The following XNDC1N variants were observed in gnomAD, a reference collection of about 807,000 sequenced individuals.
XNDC1N encodes the protein XRCC1 N-terminal domain containing 1, N-terminal like.
chr11:71,919,811 G>T, the XNDC1N span, among the ~76,000 whole-genome samples: 1 of 149,924 alleles, frequency 6.7e-6, no homozygotes. Context: ...TAGAGACGGG[G>T]TTTCACCGTG....
the XNDC1N span, chr11:71,915,962 TGTGTGTGTGTAC>T: frequency 1.6e-6 from 1 of 617,984 alleles, no homozygotes; most frequent in Non-Finnish European, 2.9e-6. Flanking sequence ...TATTTGTGTG[TGTGTGTGTGTAC>T]GTGTGTGTGT....
chr11:71,891,024 C>G, the XNDC1N span, among the ~76,000 whole-genome samples: 1 of 151,928 alleles, frequency 6.6e-6, no homozygotes, highest in African/African-American at 2.4e-5. Context: ...TTCCTCTCTT[C>G]CCCTGGACAT....
the XNDC1N span, among the ~76,000 whole-genome samples, chr11:71,889,659 G>A: frequency 6.6e-6 from 1 of 152,160 alleles, no homozygotes; most frequent in Non-Finnish European, 1.5e-5. Context: ...TCTCGCCTTT[G>A]TCTGCCCTGG....
At chr11:71,920,651 G>T in the XNDC1N span, among the ~76,000 whole-genome samples, 2 of 152,140 alleles carry the variant, frequency 1.3e-5, no homozygotes, top group Non-Finnish European at 2.9e-5. Flanking sequence ...TATTCTGTGG[G>T]ATAAGAAAGT....
the XNDC1N span, among the ~76,000 whole-genome samples, chr11:71,892,682 A>ATTT: frequency 6.8e-6 from 1 of 147,540 alleles, no homozygotes. Context: ...TGCCCGGCTA[A>ATTT]TTTTTTTTTT....
At chr11:71,918,014 A>G in the XNDC1N span, among the ~76,000 whole-genome samples, 699 of 152,296 alleles carry the variant, frequency 4.6e-3, 3 homozygotes, top group African/African-American at 0.016. Context: ...CTGATTAAAG[A>G]GACTTGTTGC....
chr11:71,918,821 G>A, the XNDC1N span: 11 of 686,604 alleles, frequency 1.6e-5, no homozygotes, highest in East Asian at 3.0e-4. Flanking sequence ...TGTTAGTGGA[G>A]TAGTTAGAGG....
the XNDC1N span, among the ~76,000 whole-genome samples, chr11:71,922,773 GA>G: frequency 5.3e-5 from 8 of 152,348 alleles, no homozygotes; most frequent in East Asian, 1.5e-3. Context: ...TAACAGAAGG[GA>G]AAGAGGTGGA....
At chr11:71,893,608 C>CT in the XNDC1N span, 1 of 1,055,920 alleles carries the variant, frequency 9.5e-7, no homozygotes, top group East Asian at 2.6e-5. Flanking sequence ...GCTCAACATC[C>CT]TGGCTGTCAG....
chr11:71,897,565 C>T, the XNDC1N span, among the ~76,000 whole-genome samples: 9 of 152,156 alleles, frequency 5.9e-5, no homozygotes, highest in Non-Finnish European at 1.0e-4. Flanking sequence ...AACAAACAGG[C>T]ATTGGTGAGA....
the XNDC1N span, among the ~76,000 whole-genome samples, chr11:71,905,449 G>A: frequency 6.6e-6 from 1 of 151,426 alleles, no homozygotes; most frequent in Non-Finnish European, 1.5e-5. Context: ...TAATATAACA[G>A]GGTGTACAAC....
At chr11:71,884,625 T>C in the XNDC1N span, 1 of 1,535,082 alleles carries the variant, frequency 6.5e-7, no homozygotes, top group Non-Finnish European at 8.8e-7. Context: ...CTCTTATCTA[T>C]GAATAATTAA....
chr11:71,885,939 T>G, the XNDC1N span, among the ~76,000 whole-genome samples: 4,733 of 151,976 alleles, frequency 0.031, 184 homozygotes, highest in African/African-American at 0.11. Context: ...TCGGTATTGA[T>G]TTTTAAAAAT....
the XNDC1N span, chr11:71,916,944 G>T: frequency 3.1e-5 from 5 of 159,990 alleles, no homozygotes; most frequent in Non-Finnish European, 6.9e-5. Flanking sequence ...CCACTATGTA[G>T]CCTTCCATCA....
At chr11:71,927,726 A>G in the XNDC1N span, 1 of 152,242 alleles carries the variant, frequency 6.6e-6, no homozygotes, top group Non-Finnish European at 1.5e-5. Flanking sequence ...TGTATTATCT[A>G]GCTTTTAAAA....
chr11:71,921,633 G>A, the XNDC1N span, among the ~76,000 whole-genome samples: 1 of 151,950 alleles, frequency 6.6e-6, no homozygotes, highest in East Asian at 1.9e-4. Context: ...AACCTTTTTT[G>A]TTTTAGCAAT....
the XNDC1N span, among the ~76,000 whole-genome samples, chr11:71,888,258 G>A: frequency 1.1e-4 from 16 of 152,266 alleles, no homozygotes; most frequent in South Asian, 4.1e-4. Context: ...AAGGCAGCCC[G>A]GGATCAGAAA....
the XNDC1N span, among the ~76,000 whole-genome samples, chr11:71,889,837 G>A: frequency 4.3e-3 from 656 of 152,252 alleles, 2 homozygotes; most frequent in African/African-American, 0.015. Context: ...AGTAGTTCTT[G>A]GGCATACCTA....
chr11:71,918,255 C>T, the XNDC1N span, among the ~76,000 whole-genome samples: 1 of 152,116 alleles, frequency 6.6e-6, no homozygotes, highest in Non-Finnish European at 1.5e-5. Flanking sequence ...CAGATATTTA[C>T]AGGTGTATGC....
Sources: gnomAD v4.1 joint callset for allele counts (sites outside exome capture counted in the v4.1 genomes callset) on GRCh38, gnomAD v4.1.1 for gene constraint, MANE v1.5 for transcripts, NCBI Gene and HGNC (gene_info 2026-07-23, HGNC 2026-07-21) for gene names.